The following KRT71 variants were observed in gnomAD, a reference collection of about 807,000 sequenced individuals.
KRT71 encodes keratin, type II cytoskeletal 71.
In KRT71, 42 loss-of-function variants were observed where a neutral mutation model predicts 46.2. The ratio of observed to expected loss-of-function variants is 0.91; its 90% CI spans 0.71 to 1.18. The LOEUF (loss-of-function observed/expected upper bound fraction) is 1.18, where lower values mean the gene tolerates loss of function less well. Ranked by LOEUF, KRT71 falls within the 50% of genes most tolerant of loss-of-function variation. KRT71 has a pLI of 0.00. For missense variants in KRT71, 708 were observed against 677.9 expected (o/e 1.04, Z -0.49); for synonymous variants, 292 against 277.8 (o/e 1.05, Z -0.51).
Position 52,549,329 on chromosome 12 carries a change from C to T in KRT71, c.681G>A (p.Arg227=), listed in dbSNP as rs768888419. 3.7e-6 allele frequency: 6 copies of T among 1,613,976 alleles called. No individual in the cohort carries two copies. The highest frequency in any genetic ancestry group is 1.7e-5 in the Admixed American group (1 of 60,018). ...KKRYEEEINK[R]TAAENEFVLL... ...GCACAAACTCGTTCTCTGCTGCTGT[C>T]CGCTTGTTGATTTCCTCCTCATACC... Residue 227 remains arginine (R), a synonymous_variant, in exon 3 of 9, where the codon CGG becomes CGA. Transcript: ENST00000267119.
Position 52,544,415 on chromosome 12 carries a change from A to T in KRT71, c.*117T>A. 1 of 959,270 alleles carries T rather than the reference A, an allele frequency of 1.0e-6. No homozygotes were observed. Among genetic ancestry groups the T allele is most frequent in the Non-Finnish European group, 1.7e-6 (1 of 603,244 alleles). 59.4% of individuals were successfully genotyped at this position (959,270 alleles called of 1,614,324 possible). Reference sequence around the variant, plus strand: ...GAAGTGGGTGGCCAAGGCCAGTGCCAGGTGTATGGGAGCAGGACCAGCAGG... The same window carrying T: ...GAAGTGGGTGGCCAAGGCCAGTGCCTGGTGTATGGGAGCAGGACCAGCAGG... On this transcript the variant is annotated 3_prime_UTR_variant, in exon 9 of 9. Transcript: ENST00000267119.
intron 2 of KRT71, among the ~76,000 whole-genome samples, chr12:52,549,589 C>T (rs909014626): frequency 4.6e-5 from 7 of 152,260 alleles, no homozygotes; most frequent in East Asian, 1.9e-4. Flanking sequence ...GCACATGGAG[C>T]GAATGCCCTG....
chr12:52,550,258 C>G lies in KRT71; in HGVS notation c.442-15G>C. 6.2e-7 allele frequency: 1 copy of G among 1,613,840 alleles called. No individual in the cohort carries two copies. Among genetic ancestry groups the G allele is most frequent in the Non-Finnish European group, 8.5e-7 (1 of 1,179,982 alleles). Reference sequence around the variant, plus strand: ...AGGAACCGCACCTGGAACCCAGATCCCAGAAACTGCTGAACCCTTGCAGTA... The same window carrying G: ...AGGAACCGCACCTGGAACCCAGATCGCAGAAACTGCTGAACCCTTGCAGTA... On this transcript the variant is annotated splice_polypyrimidine_tract_variant and intron_variant, in intron 1 of 8. Coordinates refer to ENST00000267119, the MANE Select transcript of KRT71 (RefSeq NM_033448.3).
At chr12:52,547,724 G>T in intron 6 of KRT71, 133 bp downstream of exon 6, 1 of 1,115,746 alleles carries the variant, frequency 9.0e-7, no homozygotes, top group Non-Finnish European at 1.3e-6. Flanking sequence ...CCAGGTGTTT[G>T]AGGCAGCGAC....
intron 3 of KRT71, 31 bp downstream of exon 3, chr12:52,549,262 C>A (rs1158285171): frequency 1.3e-6 from 2 of 1,575,986 alleles, no homozygotes; most frequent in East Asian, 2.2e-5. Flanking sequence ...CCAGGCCAGC[C>A]CCCGGGACTC....
At chr12:52,551,896 C>A (rs1003109793) in intron 1 of KRT71, among the ~76,000 whole-genome samples, 2 of 152,206 alleles carry the variant, frequency 1.3e-5, no homozygotes, top group Non-Finnish European at 2.9e-5. Context: ...TTCCCTCCCC[C>A]ACATTCCAGA....
intron 5 of KRT71, 77 bp from the exon 6 acceptor site, chr12:52,548,059 T>C: frequency 6.2e-7 from 1 of 1,601,522 alleles, no homozygotes; most frequent in Non-Finnish European, 8.5e-7. Context: ...CAACAGACAC[T>C]TACTGGGACA....
chr12:52,544,157 C>G lies in KRT71; in HGVS notation c.*375G>C, dbSNP rs752737056. 6.3e-5 allele frequency: 15 copies of G among 238,006 alleles called. No homozygotes were observed. The highest frequency in any genetic ancestry group is 1.1e-4 in the Non-Finnish European group (13 of 120,012). The allele number at this position is 238,006 out of a possible 1,614,324, so 14.7% of individuals were successfully genotyped here. ...AGCCAGCTCCTGGCATAGGCAGGAACTATGCTAGGTCCCAGTGTGTGCGGG... is the reference window on the plus strand; with the variant it reads ...AGCCAGCTCCTGGCATAGGCAGGAAGTATGCTAGGTCCCAGTGTGTGCGGG... On this transcript the variant is annotated 3_prime_UTR_variant, in exon 9 of 9. Transcript: ENST00000267119.
Position 52,549,954 on chromosome 12 carries a change from G to C in KRT71, c.656+75C>G. 2.6e-6 allele frequency: 4 copies of C among 1,559,622 alleles called. 1 individual carries two copies. In the South Asian group the frequency reaches 4.5e-5, roughly 18 times the overall value. ...CTCCACTGACCTCCAAAGCATTTAAGCTGGGGTGACTGCCAGGGGTCCCTT... is the reference window on the plus strand; with the variant it reads ...CTCCACTGACCTCCAAAGCATTTAACCTGGGGTGACTGCCAGGGGTCCCTT... On this transcript the variant is annotated intron_variant, in intron 2 of 8. Coordinates refer to ENST00000267119, the MANE Select transcript of KRT71 (RefSeq NM_033448.3).
chr12:52,548,347 T>C, intron 4 of KRT71, 31 bp from the exon 5 acceptor site: 1 of 1,579,298 alleles, frequency 6.3e-7, no homozygotes, highest in Non-Finnish European at 8.6e-7. Context: ...GTCTCTCGGC[T>C]CAACTGCTGT....
rs1394985671 is a variant in KRT71 at position 52,548,309 on chromosome 12, G to A, written c.821C>T (p.Thr274Ile). ...GTCACTGATGTGGGACTGGATCTGA[G>A]TGATCTCCTGCAGGGGACACAGAAA... ...FFRCLFEAEI[T>I]QIQSHISDMS... Residue 274 changes from threonine (T) to isoleucine (I), a missense_variant, in exon 5 of 9, where the codon ACT (threonine) becomes ATT (isoleucine). Thr to Ile is a moderately conservative substitution (Grantham distance 89, BLOSUM62 -1). Transcript: ENST00000267119. The A allele has an allele frequency of 1.2e-6, 2 of 1,610,970 alleles. No homozygotes were observed. The highest frequency in any genetic ancestry group is 1.7e-5 in the Admixed American group (1 of 59,870).
In KRT71 at chr12:52,549,290, C is replaced by T. The variant is rs368056811; in HGVS notation, c.717+3G>A. 1.1e-4 allele frequency: 183 copies of T among 1,613,050 alleles called. No homozygotes were observed. Among genetic ancestry groups the T allele is most frequent in the Non-Finnish European group, 1.4e-4 (167 of 1,179,242 alleles). ...CGGGACTCAGGGCCTGCCTTCCCCT[C>T]ACCTTCTTGAGCAGCACAAACTCGT... On this transcript the variant is annotated splice_donor_region_variant and intron_variant, in intron 3 of 8. Transcript: ENST00000267119.
chr12:52,550,019 T>C lies in KRT71; in HGVS notation c.656+10A>G, dbSNP rs1193456297. On this transcript the variant is annotated intron_variant, in intron 2 of 8. Coordinates refer to ENST00000267119, the MANE Select transcript of KRT71 (RefSeq NM_033448.3). Reference sequence around the variant, plus strand: ...AGTTGTCCAGTTACAGGGGGACTCCTCCTGCTCACCTCTTCTTGTAGTCCT... The same window carrying C: ...AGTTGTCCAGTTACAGGGGGACTCCCCCTGCTCACCTCTTCTTGTAGTCCT... The C allele has an allele frequency of 1.9e-6, 3 of 1,613,976 alleles. No individual in the cohort carries two copies. Among genetic ancestry groups the C allele is most frequent in the East Asian group, 2.2e-5 (1 of 44,874 alleles).
In KRT71 at chr12:52,544,171, A is replaced by G. The variant is rs1482297339; in HGVS notation, c.*361T>C. On this transcript the variant is annotated 3_prime_UTR_variant, in exon 9 of 9. Transcript: ENST00000267119. ...ATAGGCAGGAACTATGCTAGGTCCC[A>G]GTGTGTGCGGGGCCTTGGGCAGAGA... 2 of 300,024 alleles carry G rather than the reference A, an allele frequency of 6.7e-6. No individual in the cohort carries two copies. Among genetic ancestry groups the G allele is most frequent in the African/African-American group, 4.2e-5 (2 of 47,698 alleles). The allele number at this position is 300,024 out of a possible 1,614,324, so 18.6% of individuals were successfully genotyped here.
In KRT71 at chr12:52,550,088, C is replaced by T; in HGVS notation, c.597G>A (p.Arg199=). 2 of 1,614,170 alleles carry T rather than the reference C, an allele frequency of 1.2e-6. No homozygotes were observed. The highest frequency in any genetic ancestry group is 1.7e-6 in the Non-Finnish European group (2 of 1,180,024). The change falls in exon 2 of 9, where the codon AGG becomes AGA. Residue 199 remains arginine (R), a synonymous_variant. Transcript: ENST00000267119. The part of the protein sequence containing the change: ...RKQLETLSGD[R]VRLDSELRNV... ...TCCTCAGCTCCGAGTCCAGCCTCAC[C>T]CTGTCCCCAGACAGCGTCTCCAGCT... is the stretch of plus-strand genomic sequence containing the variant.
At chr12:52,546,626 C>T (rs1263011916) in intron 6 of KRT71, 120 bp from the exon 7 acceptor site, 3 of 944,778 alleles carry the variant, frequency 3.2e-6, no homozygotes, top group Non-Finnish European at 4.7e-6. Flanking sequence ...CACACACCAT[C>T]ACACTTCCTT....
At chr12:52,546,230 T>G in intron 7 of KRT71, 56 bp downstream of exon 7, 2 of 1,590,110 alleles carry the variant, frequency 1.3e-6, no homozygotes, top group Non-Finnish European at 1.7e-6. Flanking sequence ...TTAGGCTTTC[T>G]CCTTTGGGTC....
rs751514275 is a variant in KRT71, at chr12:52,552,787, G to T, written c.291C>A (p.Cys97Ter). ...VALGPVCPTV[C>*]PPGGIHQVTV... ...TAACCTGGTGGATGCCTCCAGGTGG[G>T]CATACAGTTGGGCACACAGGCCCCA... Residue 97 changes from cysteine (C) to a stop codon, truncating the protein, a stop_gained, in exon 1 of 9, where the codon TGC becomes TGA. Coordinates refer to ENST00000267119, the MANE Select transcript of KRT71 (RefSeq NM_033448.3). LOFTEE classifies it high-confidence loss of function. 6.2e-7 allele frequency: 1 copy of T among 1,614,184 alleles called. No homozygotes were observed. The highest frequency in any genetic ancestry group is 8.5e-7 in the Non-Finnish European group (1 of 1,180,024).
intron 8 of KRT71, 87 bp from the exon 9 acceptor site, chr12:52,544,830 A>C: frequency 8.5e-7 from 1 of 1,180,768 alleles, no homozygotes; most frequent in Non-Finnish European, 1.2e-6. Context: ...CTTTTCTTGG[A>C]GAAGCTGAGT....
Sources: gnomAD v4.1 joint callset for allele counts (sites outside exome capture counted in the v4.1 genomes callset) on GRCh38, gnomAD v4.1.1 for gene constraint, MANE v1.5 for transcripts, NCBI Gene and HGNC (gene_info 2026-07-23, HGNC 2026-07-21) for gene names.